SGCD: variants seen among roughly 807,000 people sequenced by gnomAD.
The protein encoded by SGCD is delta-sarcoglycan.
In SGCD, 18 loss-of-function variants were observed where a neutral mutation model predicts 36.6. That is an observed-to-expected ratio of 0.49 (90% confidence interval 0.34 to 0.73). SGCD has a LOEUF of 0.73. Ranked by LOEUF, SGCD falls within the 30% of genes least tolerant of loss-of-function variation. SGCD has a pLI of 0.01. For synonymous variants in SGCD, 133 were observed against 130.6 expected (o/e 1.02, Z -0.12); for missense variants, 387 against 346.7 (o/e 1.12, Z -0.92).
chr5:156,522,212 AG>A (rs1302999531), intron 4 of SGCD, among the ~76,000 whole-genome samples: 1 of 152,032 alleles, frequency 6.6e-6, no homozygotes, highest in Non-Finnish European at 1.5e-5. Context: ...GGGCTGAGGG[AG>A]GGATAGCATC....
chr5:155,947,884 C>T (rs891997645), intron 1 of SGCD, among the ~76,000 whole-genome samples: 7 of 151,700 alleles, frequency 4.6e-5, no homozygotes, highest in African/African-American at 1.5e-4. Context: ...TATGAACTTG[C>T]GTAAGACACA....
intron 3 of SGCD, among the ~76,000 whole-genome samples, chr5:156,265,883 G>A (rs115251155): frequency 0.027 from 4,038 of 152,106 alleles, 176 homozygotes; most frequent in African/African-American, 0.084. Flanking sequence ...ATTTTCTCAC[G>A]AATCAGCTAG....
intron 1 of SGCD, among the ~76,000 whole-genome samples, chr5:156,077,592 G>C (rs1282723695): frequency 6.6e-6 from 1 of 152,066 alleles, no homozygotes; most frequent in Non-Finnish European, 1.5e-5. Flanking sequence ...TTTGACTCAT[G>C]GGGTATATCA....
intron 6 of SGCD, among the ~76,000 whole-genome samples, chr5:156,639,804 C>A (rs1762962057): frequency 6.6e-6 from 1 of 151,904 alleles, no homozygotes; most frequent in African/African-American, 2.4e-5. Flanking sequence ...TGTGTTACCC[C>A]ATTCCTGGTC....
chr5:156,029,440 G>A (rs1581050859), intron 1 of SGCD, among the ~76,000 whole-genome samples: 1 of 152,138 alleles, frequency 6.6e-6, no homozygotes, highest in Admixed American at 6.5e-5. Context: ...TACTTGTGGA[G>A]CCTGTTTTGC....
the SGCD span, among the ~76,000 whole-genome samples, chr5:155,864,170 G>T: frequency 6.6e-6 from 1 of 152,176 alleles, no homozygotes; most frequent in Non-Finnish European, 1.5e-5. Context: ...AGTACAAAAG[G>T]TCTGGTGTGT....
Position 156,566,599 on chromosome 5 carries a change from T to G in SGCD, c.295-22632T>G, listed in dbSNP as rs112326921. On this transcript the variant is annotated intron_variant, in intron 4 of 8. Transcript: ENST00000337851. ...TGTCCCTTCCTTAATAATATTTATT[T>G]AATATGTTCCTGTTAATAAACCCCT... Among the ~76,000 whole-genome samples the G allele has an allele frequency of 9.1e-3, 1,388 of 152,288 alleles. 10 individuals carry two copies. Among genetic ancestry groups the G allele is most frequent in the African/African-American group, 0.032 (1,315 of 41,550 alleles).
chr5:156,152,573 T>G (rs1249910442), intron 3 of SGCD, among the ~76,000 whole-genome samples: 1 of 151,720 alleles, frequency 6.6e-6, no homozygotes, highest in Non-Finnish European at 1.5e-5. Flanking sequence ...TTTAACAACT[T>G]TATTGAGATA....
At chr5:155,890,124 T>C (rs537925321) in intron 1 of SGCD, among the ~76,000 whole-genome samples, 15 of 152,288 alleles carry the variant, frequency 9.8e-5, no homozygotes, top group Admixed American at 6.5e-4. Flanking sequence ...ATGGCTATAT[T>C]TGAGGCTTGG....
At chr5:155,897,343 A>G (rs1756287882) in intron 1 of SGCD, among the ~76,000 whole-genome samples, 1 of 152,194 alleles carries the variant, frequency 6.6e-6, no homozygotes, top group Non-Finnish European at 1.5e-5. Flanking sequence ...CCATGAATGG[A>G]GCTTGCAGAA....
At chr5:156,555,381 T>C (rs1758980115) in intron 4 of SGCD, among the ~76,000 whole-genome samples, 4 of 152,176 alleles carry the variant, frequency 2.6e-5, no homozygotes, top group Admixed American at 2.6e-4. Context: ...CAATCCATTT[T>C]GAGTTAATTT....
intron 3 of SGCD, among the ~76,000 whole-genome samples, chr5:156,306,672 C>T (rs914017539): frequency 2.0e-5 from 3 of 152,174 alleles, no homozygotes; most frequent in Admixed American, 2.0e-4. Flanking sequence ...ATACCTTCTT[C>T]AGTGCCTCCT....
chr5:156,363,350 T>G (rs1358570709), intron 3 of SGCD, among the ~76,000 whole-genome samples: 1 of 152,198 alleles, frequency 6.6e-6, no homozygotes, highest in Non-Finnish European at 1.5e-5. Context: ...TGATTACCCC[T>G]GCAACCCACG....
At chr5:156,200,353 T>A (rs780863020) in intron 3 of SGCD, among the ~76,000 whole-genome samples, 1 of 152,096 alleles carries the variant, frequency 6.6e-6, no homozygotes, top group African/African-American at 2.4e-5. Flanking sequence ...AGACTGGATA[T>A]GAACCTTTGC....
the SGCD span, among the ~76,000 whole-genome samples, chr5:155,774,580 G>T: frequency 2.0e-5 from 3 of 152,104 alleles, no homozygotes; most frequent in East Asian, 5.8e-4. Context: ...CTTTTTCAGT[G>T]TTGAGTGGCT....
At chr5:156,692,016 AT>A (rs1399165601) in intron 7 of SGCD, among the ~76,000 whole-genome samples, 1 of 152,242 alleles carries the variant, frequency 6.6e-6, no homozygotes, top group African/African-American at 2.4e-5. Context: ...ACTGATATTA[AT>A]ATGCTAGACT....
intron 1 of SGCD, among the ~76,000 whole-genome samples, chr5:156,073,398 A>G (rs1026717179): frequency 6.6e-6 from 1 of 151,992 alleles, no homozygotes; most frequent in Non-Finnish European, 1.5e-5. Context: ...CCTCTACAAA[A>G]ATTGGCCAAA....
intron 3 of SGCD, among the ~76,000 whole-genome samples, chr5:156,388,020 C>A (rs1360136028): frequency 6.6e-6 from 1 of 152,154 alleles, no homozygotes; most frequent in Non-Finnish European, 1.5e-5. Context: ...TGAAGCTGTG[C>A]TAAATTATCT....
intron 3 of SGCD, among the ~76,000 whole-genome samples, chr5:156,455,358 AC>A (rs2127810762): frequency 6.6e-6 from 1 of 150,898 alleles, no homozygotes; most frequent in East Asian, 2.0e-4. Flanking sequence ...TCATTCAGAG[AC>A]CTCTTTAGCA....
Sources: gnomAD v4.1 joint callset for allele counts (sites outside exome capture counted in the v4.1 genomes callset) on GRCh38, gnomAD v4.1.1 for gene constraint, MANE v1.5 for transcripts, NCBI Gene and HGNC (gene_info 2026-07-23, HGNC 2026-07-21) for gene names.